The following AFF3 variants were observed in gnomAD, a reference collection of about 807,000 sequenced individuals.
AFF3 encodes the protein AF4/FMR2 family member 3.
In AFF3, 32 loss-of-function variants were observed where a neutral mutation model predicts 129.7. That is an observed-to-expected ratio of 0.25 (90% CI 0.19 to 0.33). AFF3 has a LOEUF of 0.33. AFF3 is among the 10% of genes least tolerant of loss of function. The probability of loss-of-function intolerance (pLI) is 1.00; values close to 1 mark genes in which losing one functional copy is unlikely to be tolerated. For missense variants in AFF3, 1,373 were observed against 1,592.0 expected (o/e 0.86, Z 2.34); for synonymous variants, 644 against 635.4 (o/e 1.01, Z -0.20).
At chr2:99,673,360 A>G (rs984016103) in intron 11 of AFF3, among the ~76,000 whole-genome samples, 1 of 152,050 alleles carries the variant, frequency 6.6e-6, no homozygotes, top group African/African-American at 2.4e-5. Flanking sequence ...TCCCCAGCCC[A>G]CCCAGGTCCC....
intron 2 of AFF3, among the ~76,000 whole-genome samples, chr2:100,123,499 A>G (rs573168404): frequency 1.3e-5 from 2 of 152,336 alleles, no homozygotes; most frequent in South Asian, 4.1e-4. Context: ...GAATGAGAAT[A>G]TATGTGATTA....
intron 11 of AFF3, among the ~76,000 whole-genome samples, chr2:99,726,728 C>T (rs973140473): frequency 2.6e-5 from 4 of 152,224 alleles, no homozygotes; most frequent in African/African-American, 4.8e-5. Context: ...CTTGTTACTG[C>T]ACAGCTGTGT....
intron 7 of AFF3, among the ~76,000 whole-genome samples, chr2:99,909,039 T>C (rs1694928730): frequency 6.6e-6 from 1 of 152,032 alleles, no homozygotes; most frequent in Non-Finnish European, 1.5e-5. Flanking sequence ...CATGCACACG[T>C]ATGTTTACTG....
intron 4 of AFF3, among the ~76,000 whole-genome samples, chr2:100,070,115 T>G (rs936108376): frequency 1.3e-5 from 2 of 152,130 alleles, no homozygotes; most frequent in Non-Finnish European, 2.9e-5. Context: ...AGAGGGAAGG[T>G]AATTGGAGTA....
chr2:99,573,879 G>A (rs1401206721), intron 18 of AFF3, among the ~76,000 whole-genome samples: 5 of 152,162 alleles, frequency 3.3e-5, no homozygotes, highest in Non-Finnish European at 4.4e-5. Flanking sequence ...TCCAGGGAGC[G>A]GCAGGCAGCC....
At chr2:99,957,455 C>T (rs758053451) in intron 7 of AFF3, among the ~76,000 whole-genome samples, 9 of 152,108 alleles carry the variant, frequency 5.9e-5, no homozygotes, top group Admixed American at 2.0e-4. Flanking sequence ...TGTGTGTGTG[C>T]TGTGGAAGGG....
chr2:100,011,190 C>T (rs1027317012), intron 4 of AFF3, among the ~76,000 whole-genome samples: 4 of 152,174 alleles, frequency 2.6e-5, no homozygotes, highest in African/African-American at 4.8e-5. Flanking sequence ...AGGAGAACGG[C>T]ACGAACCCGG....
intron 4 of AFF3, among the ~76,000 whole-genome samples, chr2:100,061,873 G>A (rs933437080): frequency 3.4e-4 from 49 of 145,016 alleles, no homozygotes; most frequent in African/African-American, 7.6e-5. Flanking sequence ...GGGGGGTGCC[G>A]ACTCTCAAGT....
intron 8 of AFF3, among the ~76,000 whole-genome samples, chr2:99,808,942 C>T (rs957104191): frequency 5.3e-5 from 8 of 152,166 alleles, no homozygotes; most frequent in South Asian, 2.1e-4. Flanking sequence ...AGTGAGGCAG[C>T]GGCTACAGAA....
intron 8 of AFF3, among the ~76,000 whole-genome samples, chr2:99,832,410 T>A (rs1234269280): frequency 1.3e-5 from 2 of 152,206 alleles, no homozygotes; most frequent in Non-Finnish European, 2.9e-5. Context: ...TGGTCTCTTG[T>A]CCCACCTCTG....
At chr2:99,637,927 G>A (rs1003845659) in intron 13 of AFF3, among the ~76,000 whole-genome samples, 2 of 152,304 alleles carry the variant, frequency 1.3e-5, no homozygotes, top group African/African-American at 4.8e-5. Flanking sequence ...GCATTCAAAA[G>A]GAGTGTGACA....
chr2:99,913,679 T>C (rs955747756), intron 7 of AFF3, among the ~76,000 whole-genome samples: 5 of 152,166 alleles, frequency 3.3e-5, no homozygotes, highest in African/African-American at 1.2e-4. Context: ...TGGCTGATTC[T>C]AGGTTGGGGT....
chr2:99,765,506 CG>C (rs1295629279), intron 8 of AFF3, among the ~76,000 whole-genome samples: 2 of 152,152 alleles, frequency 1.3e-5, no homozygotes, highest in Non-Finnish European at 2.9e-5. Flanking sequence ...AGAATGACCT[CG>C]GGCAAGTTTA....
chr2:99,718,335 A>G (rs1256841342), intron 11 of AFF3, among the ~76,000 whole-genome samples: 1 of 152,180 alleles, frequency 6.6e-6, no homozygotes, highest in Non-Finnish European at 1.5e-5. Context: ...TTTCTCTCAA[A>G]GATGTTTTGT....
intron 4 of AFF3, among the ~76,000 whole-genome samples, chr2:100,055,903 G>A (rs150259932): frequency 1.0e-3 from 156 of 152,188 alleles, no homozygotes; most frequent in African/African-American, 3.6e-3. Context: ...CCAGCACAGT[G>A]GCTCACACCT....
At chr2:99,648,715 C>T (rs950376818) in intron 13 of AFF3, among the ~76,000 whole-genome samples, 1 of 151,918 alleles carries the variant, frequency 6.6e-6, no homozygotes, top group Non-Finnish European at 1.5e-5. Context: ...ATGGCTCATT[C>T]CATGAAAAAG....
chr2:99,645,140 G>T (rs898251335), intron 13 of AFF3, among the ~76,000 whole-genome samples: 2 of 152,118 alleles, frequency 1.3e-5, no homozygotes, highest in African/African-American at 4.8e-5. Flanking sequence ...TTCGAGACCT[G>T]CCTGGGCAAC....
chr2:99,748,259 C>A (rs182316856), intron 9 of AFF3, among the ~76,000 whole-genome samples: 1 of 152,188 alleles, frequency 6.6e-6, no homozygotes, highest in Non-Finnish European at 1.5e-5. Context: ...CATCCAGATA[C>A]CTACATATGT....
At chr2:99,710,651 GC>G (rs958838416) in intron 11 of AFF3, among the ~76,000 whole-genome samples, 4 of 152,246 alleles carry the variant, frequency 2.6e-5, no homozygotes, top group African/African-American at 9.6e-5. Flanking sequence ...AGCAAGAATA[GC>G]CTTTTTTGAC....
Sources: gnomAD v4.1 joint callset for allele counts (sites outside exome capture counted in the v4.1 genomes callset) on GRCh38, gnomAD v4.1.1 for gene constraint, MANE v1.5 for transcripts, NCBI Gene and HGNC (gene_info 2026-07-23, HGNC 2026-07-21) for gene names.